The following WWOX variants were observed in gnomAD, a reference collection of about 807,000 sequenced individuals.
WWOX encodes the protein WW domain containing oxidoreductase.
WWOX carries 69 observed loss-of-function variants against 46.2 expected under a neutral mutation model. That is an observed-to-expected ratio of 1.49 (90% CI 1.23 to 1.82). The LOEUF (loss-of-function observed/expected upper bound fraction) is 1.82. Ranked by LOEUF, WWOX falls within the 40% of genes most tolerant of loss-of-function variation. The pLI is 0.00. For synonymous variants in WWOX, 359 were observed against 202.6 expected (o/e 1.77, Z -6.56); for missense variants, 919 against 542.6 (o/e 1.69, Z -6.89).
At chr16:78,900,561 G>T (rs550090644) in intron 8 of WWOX, among the ~76,000 whole-genome samples, 1 of 152,012 alleles carries the variant, frequency 6.6e-6, no homozygotes, top group East Asian at 1.9e-4. Context: ...TGGATATTTC[G>T]TGGCCTTCAG....
chr16:78,978,991 A>G (rs1252749569), intron 8 of WWOX, among the ~76,000 whole-genome samples: 1 of 151,430 alleles, frequency 6.6e-6, no homozygotes, highest in Non-Finnish European at 1.5e-5. Context: ...AGGTGCAATC[A>G]TTTTAGGCTA....
At chr16:79,158,749 C>G (rs1166967980) in intron 8 of WWOX, among the ~76,000 whole-genome samples, 2 of 152,210 alleles carry the variant, frequency 1.3e-5, no homozygotes, top group African/African-American at 2.4e-5. Flanking sequence ...TCTTAACTCT[C>G]CAGTCTAAAG....
intron 8 of WWOX, among the ~76,000 whole-genome samples, chr16:79,120,659 C>T (rs1472853883): frequency 6.6e-6 from 1 of 152,194 alleles, no homozygotes; most frequent in Non-Finnish European, 1.5e-5. Flanking sequence ...TTCCCGGCTT[C>T]AGGTCGCGGT....
At chr16:78,660,088 G>T (rs1214646059) in intron 8 of WWOX, among the ~76,000 whole-genome samples, 1 of 152,208 alleles carries the variant, frequency 6.6e-6, no homozygotes, top group Non-Finnish European at 1.5e-5. Context: ...CTCTGTGCAA[G>T]TGTGTGCTCT....
intron 8 of WWOX, among the ~76,000 whole-genome samples, chr16:78,729,707 C>G (rs748910046): frequency 6.6e-6 from 1 of 152,116 alleles, no homozygotes; most frequent in Admixed American, 6.5e-5. Context: ...TGTAGGCACC[C>G]AGTTTGTGGT....
intron 8 of WWOX, among the ~76,000 whole-genome samples, chr16:79,176,987 T>C (rs1436646630): frequency 6.6e-6 from 1 of 152,106 alleles, no homozygotes; most frequent in African/African-American, 2.4e-5. Context: ...AATGAATAGA[T>C]GTATAATAAA....
At chr16:78,775,046 C>G (rs531034041) in intron 8 of WWOX, among the ~76,000 whole-genome samples, 2 of 152,228 alleles carry the variant, frequency 1.3e-5, no homozygotes, top group African/African-American at 2.4e-5. Context: ...GCCCTCACTC[C>G]TGAGGGTGGG....
At position 78,254,200 on chromosome 16, in the gene WWOX, AC is replaced by A. The variant is rs147263422; in HGVS notation, c.516+89912del. Reference sequence around the variant, plus strand: ...ATCCTCCTGCCTGGTAGGTGGGACTACAGGTATTCACCACCAAGCTCGGCTA... The same window carrying A: ...ATCCTCCTGCCTGGTAGGTGGGACTAAGGTATTCACCACCAAGCTCGGCTA... On this transcript the variant is annotated intron_variant, in intron 5 of 8. Coordinates refer to ENST00000566780, the MANE Select transcript of WWOX (RefSeq NM_016373.4). 2.8e-3 allele frequency among the ~76,000 whole-genome samples: 428 copies of A among 152,106 alleles called. 2 individuals carry two copies. Among genetic ancestry groups the A allele is most frequent in the African/African-American group, 9.7e-3 (404 of 41,502 alleles).
intron 8 of WWOX, among the ~76,000 whole-genome samples, chr16:78,721,781 G>T (rs2048697913): frequency 6.6e-6 from 1 of 152,190 alleles, no homozygotes; most frequent in Non-Finnish European, 1.5e-5. Flanking sequence ...TACATAGCAG[G>T]TGCTCCGAAG....
At chr16:79,057,757 G>C (rs952500439) in intron 8 of WWOX, among the ~76,000 whole-genome samples, 1 of 152,122 alleles carries the variant, frequency 6.6e-6, no homozygotes, top group African/African-American at 2.4e-5. Context: ...AGGTGGTCAA[G>C]AATTTAGAAA....
At chr16:78,859,347 T>C (rs2052662840) in intron 8 of WWOX, among the ~76,000 whole-genome samples, 1 of 152,082 alleles carries the variant, frequency 6.6e-6, no homozygotes, top group South Asian at 2.1e-4. Context: ...CTGCAATTTC[T>C]AATAAATTAG....
At chr16:78,699,062 G>C (rs1268722335) in intron 8 of WWOX, among the ~76,000 whole-genome samples, 4 of 152,166 alleles carry the variant, frequency 2.6e-5, no homozygotes, top group African/African-American at 9.7e-5. Flanking sequence ...CAGATGGTGT[G>C]TGTTACAACT....
At chr16:78,842,925 A>G (rs1311387362) in intron 8 of WWOX, among the ~76,000 whole-genome samples, 2 of 150,048 alleles carry the variant, frequency 1.3e-5, no homozygotes, top group Non-Finnish European at 3.0e-5. Flanking sequence ...AAAAAGAAAG[A>G]AATATGGAAA....
At chr16:79,200,938 G>C (rs1473345656) in intron 8 of WWOX, among the ~76,000 whole-genome samples, 1 of 152,198 alleles carries the variant, frequency 6.6e-6, no homozygotes, top group Non-Finnish European at 1.5e-5. Context: ...GTGATAATCA[G>C]AGTTATAGCT....
At chr16:79,096,329 C>A (rs994105319) in intron 8 of WWOX, among the ~76,000 whole-genome samples, 1 of 152,158 alleles carries the variant, frequency 6.6e-6, no homozygotes, top group Non-Finnish European at 1.5e-5. Flanking sequence ...GAGTGCAAGC[C>A]ATGCTCTCGA....
chr16:78,566,528 G>C (rs1597277820), intron 8 of WWOX, among the ~76,000 whole-genome samples: 1 of 152,184 alleles, frequency 6.6e-6, no homozygotes, highest in African/African-American at 2.4e-5. Context: ...GTGAGGCACA[G>C]GATGGTTCCA....
intron 8 of WWOX, among the ~76,000 whole-genome samples, chr16:79,102,289 G>A (rs2049216544): frequency 6.6e-6 from 1 of 152,214 alleles, no homozygotes; most frequent in South Asian, 2.1e-4. Flanking sequence ...TGTGACTATG[G>A]ACAAGAGGTG....
chr16:78,893,107 C>G (rs960498220), intron 8 of WWOX, among the ~76,000 whole-genome samples: 1 of 151,872 alleles, frequency 6.6e-6, no homozygotes, highest in African/African-American at 2.4e-5. Flanking sequence ...GCTGAGTAAA[C>G]TGTAGTTACC....
intron 5 of WWOX, among the ~76,000 whole-genome samples, chr16:78,254,502 G>GTTTTTTTTTTTTTTTTTTTTTT (rs59706959): frequency 1.1e-5 from 1 of 91,648 alleles, no homozygotes. Context: ...TTTCTTTCTT[G>GTTTTTTTTTTTTTTTTTTTTTT]TTTTTTTTTT....
Sources: gnomAD v4.1 joint callset for allele counts (sites outside exome capture counted in the v4.1 genomes callset) on GRCh38, gnomAD v4.1.1 for gene constraint, MANE v1.5 for transcripts, NCBI Gene and HGNC (gene_info 2026-07-23, HGNC 2026-07-21) for gene names.